Variants in PHF20L1 observed in about 807,000 individuals in gnomAD.
PHF20L1 encodes PHD finger protein 20 like 1, also known as PHD finger protein 20-like protein 1.
A neutral mutation model predicts 125.5 loss-of-function variants in PHF20L1; 44 were observed. The observed-to-expected ratio is 0.35, with a 90% confidence interval of 0.28 to 0.45. PHF20L1 has a LOEUF of 0.45. PHF20L1 is among the 20% of genes least tolerant of loss of function. PHF20L1 has a pLI of 1.00. For synonymous variants in PHF20L1, 380 were observed against 403.1 expected (o/e 0.94, Z 0.69); for missense variants, 1,012 against 1,217.2 (o/e 0.83, Z 2.51).
intron 10 of PHF20L1, chr8:132,816,303 G>C (rs1458392463): frequency 2.0e-5 from 3 of 150,996 alleles, no homozygotes; most frequent in African/African-American, 7.3e-5. Context: ...CTCACAATAA[G>C]TATACAAAGT....
intron 12 of PHF20L1, 149 bp from the exon 13 acceptor site, chr8:132,823,855 T>G (rs1835864668): frequency 1.9e-6 from 1 of 520,392 alleles, no homozygotes; most frequent in Non-Finnish European, 3.5e-6. Context: ...ATCTCACCGC[T>G]TTGTTACCAG....
rs1485877759 is a variant in PHF20L1 at position 132,775,448 on chromosome 8, C to G, written c.-235C>G. ...GCGATGGCAGCGGACCCTGAGCGAG[C>G]TTGAGGGCTCGGACCCAGCTCCCTC... On this transcript the variant is annotated 5_prime_UTR_variant, in exon 1 of 21. Transcript: ENST00000395386. The G allele has an allele frequency of 5.2e-6, 2 of 384,416 alleles. No individual in the cohort carries two copies. Among genetic ancestry groups the G allele is most frequent in the Non-Finnish European group, 9.1e-6 (2 of 218,678 alleles). 23.8% of individuals were successfully genotyped at this position (384,416 alleles called of 1,614,324 possible).
chr8:132,823,849 C>T lies in PHF20L1; in HGVS notation c.1580-155C>T, dbSNP rs773568916. ...GGTTGTTTTTTAAGGTAAGAAATCTCACCGCTTTGTTACCAGTTCAGGCAG... is the reference window on the plus strand; with the variant it reads ...GGTTGTTTTTTAAGGTAAGAAATCTTACCGCTTTGTTACCAGTTCAGGCAG... On this transcript the variant is annotated intron_variant, in intron 12 of 20. Coordinates refer to ENST00000395386, the MANE Select transcript of PHF20L1 (RefSeq NM_016018.5). Among the ~76,000 whole-genome samples the T allele has an allele frequency of 3.3e-5, 5 of 152,020 alleles. No homozygotes were observed. In the East Asian group the frequency reaches 7.8e-4, roughly 24 times the overall value.
At chr8:132,783,836 A>T (rs991168676) in intron 2 of PHF20L1, among the ~76,000 whole-genome samples, 1 of 152,198 alleles carries the variant, frequency 6.6e-6, no homozygotes, top group African/African-American at 2.4e-5. Context: ...TATGGTCATA[A>T]GTTCATAGAA....
rs1416404930 is a variant in PHF20L1 at position 132,804,625 on chromosome 8, A to G, written c.732A>G (p.Val244=). 6.2e-7 allele frequency: 1 copy of G among 1,606,132 alleles called. No homozygotes were observed. The highest frequency in any genetic ancestry group is 8.5e-7 in the Non-Finnish European group (1 of 1,173,564). ...TTCTGTTGAAAGTAGGACTTCATGT[A>G]GAGAACGTTCCAAAGATGGTCTTTC... ...PTSSETFGLH[V]ENVPKMVFPQ... Residue 244 remains valine (V), a synonymous_variant, in exon 8 of 21, where the codon GTA becomes GTG. Coordinates refer to ENST00000395386, the MANE Select transcript of PHF20L1 (RefSeq NM_016018.5).
intron 14 of PHF20L1, among the ~76,000 whole-genome samples, chr8:132,831,187 T>C (rs1462478418): frequency 6.6e-6 from 1 of 152,052 alleles, no homozygotes; most frequent in African/African-American, 2.4e-5. Flanking sequence ...ACATAAGCAT[T>C]GAATGACTTT....
chr8:132,838,435 G>A (rs1306666283), intron 17 of PHF20L1: 1 of 152,558 alleles, frequency 6.6e-6, no homozygotes, highest in East Asian at 1.9e-4. Context: ...TGATGAGGCA[G>A]ACTGAGATGA....
At chr8:132,829,903 G>A (rs1465407265) in intron 14 of PHF20L1, among the ~76,000 whole-genome samples, 1 of 152,038 alleles carries the variant, frequency 6.6e-6, no homozygotes, top group Non-Finnish European at 1.5e-5. Context: ...ACTGAAAATT[G>A]CATTTGGCAC....
chr8:132,810,939 G>A (rs1456387094), intron 8 of PHF20L1, 107 bp from the exon 9 acceptor site: 9 of 732,118 alleles, frequency 1.2e-5, no homozygotes, highest in African/African-American at 5.3e-5. Flanking sequence ...TACTTCCTAC[G>A]TATTAAAAAG....
Position 132,812,761 on chromosome 8 carries a change from A to T in PHF20L1, c.930+1633A>T, listed in dbSNP as rs898086373. ...TTACATCTCAATTGGTATCAGCAATAGACCTAAAGGAGAGGTATTGATTGT... is the reference window on the plus strand; with the variant it reads ...TTACATCTCAATTGGTATCAGCAATTGACCTAAAGGAGAGGTATTGATTGT... On this transcript the variant is annotated intron_variant, in intron 9 of 20. Transcript: ENST00000395386. 14 of 983,584 alleles carry T rather than the reference A, an allele frequency of 1.4e-5. No individual in the cohort carries two copies. The African/African-American group carries it at 2.3e-4, about 16-fold the overall frequency. 60.9% of individuals were successfully genotyped at this position (983,584 alleles called of 1,614,324 possible). A position where few individuals can be genotyped will look rare whatever the true frequency, so the allele number is the denominator to read the frequency against.
chr8:132,808,039 C>T (rs975621614), intron 8 of PHF20L1: 1 of 168,934 alleles, frequency 5.9e-6, no homozygotes, highest in Non-Finnish European at 1.3e-5. Context: ...TTTGGACTGC[C>T]TCTTAAGGCA....
chr8:132,829,275 G>A (rs979897385), intron 14 of PHF20L1, among the ~76,000 whole-genome samples: 12 of 152,060 alleles, frequency 7.9e-5, no homozygotes, highest in Admixed American at 2.6e-4. Flanking sequence ...AGGCAGCCTT[G>A]AAGGTTTAGT....
At chr8:132,839,167 A>G in intron 17 of PHF20L1, 1 of 510,254 alleles carries the variant, frequency 2.0e-6, no homozygotes, top group South Asian at 2.8e-5. Flanking sequence ...GCCACTGACC[A>G]TGTCCTTAAT....
Position 132,846,920 on chromosome 8 carries a change from CTAG to C in PHF20L1, c.*1002_*1004del, listed in dbSNP as rs1838459922. On this transcript the variant is annotated 3_prime_UTR_variant, in exon 21 of 21. Coordinates refer to ENST00000395386, the MANE Select transcript of PHF20L1 (RefSeq NM_016018.5). ...TTGTGGCTGTGGATTTTTTTAACTG[CTAG>C]TAGTGGAATACTGGAAAAGCTTCAT... The C allele has an allele frequency of 6.6e-6, 1 of 152,302 alleles. No individual in the cohort carries two copies. The highest frequency in any genetic ancestry group is 2.1e-4 in the South Asian group (1 of 4,830). The allele number at this position is 152,302 out of a possible 1,614,324, so 9.4% of individuals were successfully genotyped here.
Position 132,842,972 on chromosome 8 carries a change from G to A in PHF20L1, c.2748+97G>A, listed in dbSNP as rs974390337. ...CATACTGAATTCCCAGATTTTAGTTGTATTTCCAAGTTCCCCAGTACCTTG... is the reference window on the plus strand; with the variant it reads ...CATACTGAATTCCCAGATTTTAGTTATATTTCCAAGTTCCCCAGTACCTTG... On this transcript the variant is annotated intron_variant, in intron 19 of 20. Transcript: ENST00000395386. 8.9e-6 allele frequency: 13 copies of A among 1,465,424 alleles called. No homozygotes were observed. The East Asian group carries it at 9.3e-5, about 10-fold the overall frequency. 90.8% of individuals were successfully genotyped at this position (1,465,424 alleles called of 1,614,324 possible). A position where few individuals can be genotyped will look rare whatever the true frequency, so the allele number is the denominator to read the frequency against.
At position 132,775,645 on chromosome 8, in the gene PHF20L1, G is replaced by T. The variant is rs1829588822; in HGVS notation, c.-38G>T. 3.0e-6 allele frequency: 1 copy of T among 338,762 alleles called. No individual in the cohort carries two copies. The highest frequency in any genetic ancestry group is 5.3e-6 in the Non-Finnish European group (1 of 187,764). The allele number at this position is 338,762 out of a possible 1,614,324, so 21.0% of individuals were successfully genotyped here. A position where few individuals can be genotyped will look rare whatever the true frequency, so the allele number is the denominator to read the frequency against. On this transcript the variant is annotated splice_region_variant and 5_prime_UTR_variant, in exon 1 of 21. Coordinates refer to ENST00000395386, the MANE Select transcript of PHF20L1 (RefSeq NM_016018.5). ...TGCTGTGCAGAGAGGAGGCCGAGTC[G>T]GTAAGAGGCGGCGGCGGCTGAGCCG...
In PHF20L1 at chr8:132,839,488, G is replaced by A; in HGVS notation, c.2293G>A (p.Ala765Thr). ...FFKENYSHLN[A>T]KKIVSTHHLL... ...CAAAGAAAATTATTCTCATCTCAAT[G>A]CCAAAAAGATAGTTTCTACACATCA... The change falls in exon 18 of 21, where the codon GCC becomes ACC. Residue 765 changes from alanine to threonine, a missense_variant. By Grantham distance (58) the Ala-to-Thr change is moderately conservative. Coordinates refer to ENST00000395386, the MANE Select transcript of PHF20L1 (RefSeq NM_016018.5). The A allele has an allele frequency of 6.2e-7, 1 of 1,613,074 alleles. No individual in the cohort carries two copies. The highest frequency in any genetic ancestry group is 8.5e-7 in the Non-Finnish European group (1 of 1,179,230).
chr8:132,818,263 A>G (rs1212198344), intron 12 of PHF20L1: 3 of 151,942 alleles, frequency 2.0e-5, no homozygotes, highest in African/African-American at 4.8e-5. Flanking sequence ...AATACTAGTT[A>G]CAAATGCACT....
At chr8:132,826,358 C>T (rs1011893702) in intron 14 of PHF20L1, 5 of 152,038 alleles carry the variant, frequency 3.3e-5, no homozygotes, top group African/African-American at 1.2e-4. Flanking sequence ...AGATGGGGAC[C>T]AGGGAGTAAG....
Sources: gnomAD v4.1 joint callset for allele counts (sites outside exome capture counted in the v4.1 genomes callset) on GRCh38, gnomAD v4.1.1 for gene constraint, MANE v1.5 for transcripts, NCBI Gene and HGNC (gene_info 2026-07-23, HGNC 2026-07-21) for gene names.